The following MAP3K19 variants were observed in gnomAD, a reference collection of about 807,000 sequenced individuals.
MAP3K19 encodes the protein mitogen-activated protein kinase kinase kinase 19, also known as SPS1/STE20-related protein kinase YSK4.
In MAP3K19, 91 loss-of-function variants were observed where a neutral mutation model predicts 114.4. The observed-to-expected ratio is 0.80, with a 90% CI of 0.67 to 0.95. The LOEUF is 0.95. MAP3K19 is among the 40% of genes least tolerant of loss of function. The pLI, the probability that MAP3K19 is intolerant of heterozygous loss-of-function variation, is 0.00. For synonymous variants in MAP3K19, 518 were observed against 530.5 expected (o/e 0.98, Z 0.32); for missense variants, 1,471 against 1,573.2 (o/e 0.94, Z 1.10).
chr2:134,987,969 G>T lies in MAP3K19; in HGVS notation c.903C>A (p.Cys301Ter). ...SFPKTNHHRQ[C>*]LEKEENWKSK... ...ATTTCCAGTTTTCCTCCTTCTCCAGGCATTGCCTGTGATGGTTAGTCTTAG... is the reference window on the plus strand; with the variant it reads ...ATTTCCAGTTTTCCTCCTTCTCCAGTCATTGCCTGTGATGGTTAGTCTTAG... Residue 301 changes from cysteine (C) to a stop codon, truncating the protein, a stop_gained, in exon 10 of 13, where the codon TGC (cysteine) becomes TGA (stop). Coordinates refer to ENST00000392915, the MANE Select transcript of MAP3K19 (RefSeq NM_025052.5). LOFTEE classifies it high-confidence loss of function. 1 of 1,614,076 alleles carries T rather than the reference G, an allele frequency of 6.2e-7. No individual in the cohort carries two copies. Among genetic ancestry groups the T allele is most frequent in the Non-Finnish European group, 8.5e-7 (1 of 1,180,018 alleles).
intron 8 of MAP3K19, among the ~76,000 whole-genome samples, chr2:134,997,816 T>TAAAAAAAAAAAAAAAAA (rs1686114160): frequency 1.3e-5 from 1 of 79,546 alleles, no homozygotes; most frequent in African/African-American, 5.4e-5. Flanking sequence ...AGACTCCGTC[T>TAAAAAAAAAAAAAAAAA]CAAAAAAAAA....
In MAP3K19 at chr2:134,964,658, T is replaced by A; in HGVS notation, c.*192A>T. 2.4e-6 allele frequency: 1 copy of A among 423,378 alleles called. No individual in the cohort carries two copies. The highest frequency in any genetic ancestry group is 6.8e-5 in the South Asian group (1 of 14,802). The allele number at this position is 423,378 out of a possible 1,614,324, so 26.2% of individuals were successfully genotyped here. On this transcript the variant is annotated 3_prime_UTR_variant, in exon 13 of 13. Transcript: ENST00000392915. Reference sequence around the variant, plus strand: ...ATTAAGAACATGTTTTCTGATACTATGAGTAATAATGTCTGACACTTGAGG... The same window carrying A: ...ATTAAGAACATGTTTTCTGATACTAAGAGTAATAATGTCTGACACTTGAGG...
Position 134,981,037 on chromosome 2 carries a change from G to A in MAP3K19, c.3704C>T (p.Ala1235Val). 6.2e-7 allele frequency: 1 copy of A among 1,614,234 alleles called. No homozygotes were observed. The highest frequency in any genetic ancestry group is 1.1e-5 in the South Asian group (1 of 91,084). The change falls in exon 12 of 13, where the codon GCC becomes GTC. Residue 1235 changes from alanine to valine, a missense_variant. Transcript: ENST00000392915. Reference protein sequence around the residue: ...KSMHGTPYWMAPEVINESGYG... With the variant: ...KSMHGTPYWMVPEVINESGYG... ...GCCAGACTCATTGATGACTTCTGGG[G>A]CCATCCAATATGGAGTCCCATGCAT...
intron 12 of MAP3K19, among the ~76,000 whole-genome samples, chr2:134,969,035 GC>G (rs1242597590): frequency 6.6e-6 from 1 of 152,194 alleles, no homozygotes; most frequent in East Asian, 1.9e-4. Context: ...CCGGGATCAC[GC>G]CGCTGCACTC....
intron 3 of MAP3K19, among the ~76,000 whole-genome samples, chr2:135,029,073 C>T (rs896269038): frequency 6.6e-6 from 1 of 152,086 alleles, no homozygotes; most frequent in African/African-American, 2.4e-5. Flanking sequence ...AAAAATGTGG[C>T]TATAAAAACA....
rs182877589 is a variant in MAP3K19, at chr2:134,969,068, C to A, written c.3921-4152G>T. On this transcript the variant is annotated intron_variant, in intron 12 of 12. Coordinates refer to ENST00000392915, the MANE Select transcript of MAP3K19 (RefSeq NM_025052.5). ...ACTCCAGCCTGGGCACCATTGAGCA[C>A]TGAGTGAACGAGACTCCGTCTGCAA... is the stretch of plus-strand genomic sequence containing the variant. 4.6e-3 allele frequency among the ~76,000 whole-genome samples: 694 copies of A among 152,336 alleles called. 3 individuals carry two copies. The highest frequency in any genetic ancestry group is 0.016 in the African/African-American group (663 of 41,570).
intron 1 of MAP3K19, among the ~76,000 whole-genome samples, chr2:135,042,271 G>C (rs1056655497): frequency 2.0e-5 from 3 of 152,118 alleles, no homozygotes; most frequent in Admixed American, 1.3e-4. Flanking sequence ...GGGAGGCCGA[G>C]GCGGGCGGAT....
chr2:135,025,637 C>T (rs990877112), intron 3 of MAP3K19, among the ~76,000 whole-genome samples: 6 of 151,934 alleles, frequency 3.9e-5, no homozygotes, highest in African/African-American at 7.3e-5. Flanking sequence ...CTGCCTGCCT[C>T]GGCCTCCCAA....
chr2:135,009,413 A>C (rs1197136815), intron 5 of MAP3K19, among the ~76,000 whole-genome samples: 1 of 152,160 alleles, frequency 6.6e-6, no homozygotes, highest in Non-Finnish European at 1.5e-5. Flanking sequence ...TATTATATAT[A>C]GTTTTTGTGT....
chr2:134,976,039 C>T (rs752204909), intron 12 of MAP3K19, among the ~76,000 whole-genome samples: 1 of 152,186 alleles, frequency 6.6e-6, no homozygotes, highest in Non-Finnish European at 1.5e-5. Flanking sequence ...GGGTGCAGGA[C>T]ACCATGTGTG....
rs3905317 is a variant in MAP3K19 at position 134,986,437 on chromosome 2, T to C, written c.2435A>G (p.Glu812Gly). 31,337 of 1,614,008 alleles carry C rather than the reference T, an allele frequency of 0.019. 3,285 individuals carry two copies. In the East Asian group the frequency reaches 0.36, roughly 19 times the overall value. Residue 812 changes from glutamate (E) to glycine (G), a missense_variant, in exon 10 of 13, where the codon GAA (glutamate) becomes GGA (glycine). Coordinates refer to ENST00000392915, the MANE Select transcript of MAP3K19 (RefSeq NM_025052.5). Reference sequence around the variant, plus strand: ...ACCAGTAGACTCTTCCATAGAAACTTCTTCAACAATGGATAAATCTGAGAC... The same window carrying C: ...ACCAGTAGACTCTTCCATAGAAACTCCTTCAACAATGGATAAATCTGAGAC... ...PPVSDLSIVE[E>G]VSMEESTGDR...
At position 134,964,970 on chromosome 2, in the gene MAP3K19, A is replaced by G. The variant is rs1434373765; in HGVS notation, c.3921-54T>C. ...GCAGCACTCAGTAATGAGACTGCCA[A>G]TGTAGATCTACTTAAATGTGAACTT... On this transcript the variant is annotated intron_variant, in intron 12 of 12. Transcript: ENST00000392915. The G allele has an allele frequency of 1.4e-5, 18 of 1,272,842 alleles. No individual in the cohort carries two copies. In the East Asian group the frequency reaches 3.3e-4, roughly 23 times the overall value. 78.8% of individuals were successfully genotyped at this position (1,272,842 alleles called of 1,614,324 possible). A position where few individuals can be genotyped will look rare whatever the true frequency, so the allele number is the denominator to read the frequency against.
chr2:135,026,899 A>C (rs1446839849), intron 3 of MAP3K19, among the ~76,000 whole-genome samples: 1 of 152,198 alleles, frequency 6.6e-6, no homozygotes, highest in African/African-American at 2.4e-5. Flanking sequence ...ATAGGTAGCA[A>C]ATTTTAGAAA....
In MAP3K19 at chr2:134,998,998, C is replaced by A. The variant is rs867471264; in HGVS notation, c.315-1G>T. ...TTCTTGAAGCGATGAGTTTATCAGA[C>A]TAAAGGGGGAGGGAAATGTTTGATT... On this transcript the variant is annotated splice_acceptor_variant, in intron 7 of 12. Coordinates refer to ENST00000392915, the MANE Select transcript of MAP3K19 (RefSeq NM_025052.5). LOFTEE classifies it high-confidence loss of function. The A allele has an allele frequency of 6.2e-7, 1 of 1,607,066 alleles. No homozygotes were observed.
chr2:135,045,950 G>A (rs1421463517), intron 1 of MAP3K19, among the ~76,000 whole-genome samples: 1 of 151,994 alleles, frequency 6.6e-6, no homozygotes, highest in Non-Finnish European at 1.5e-5. Context: ...TTAGAGATGG[G>A]GTCTCACTCT....
At chr2:134,989,544 C>T (rs1316476858) in intron 9 of MAP3K19, among the ~76,000 whole-genome samples, 5 of 152,146 alleles carry the variant, frequency 3.3e-5, no homozygotes, top group Admixed American at 3.3e-4. Flanking sequence ...AGTGCTTAAC[C>T]ATCTGCCTAG....
At chr2:135,033,565 G>C (rs1228904917) in intron 2 of MAP3K19, among the ~76,000 whole-genome samples, 2 of 42,400 alleles carry the variant, frequency 4.7e-5, no homozygotes, top group Non-Finnish European at 8.2e-5. Context: ...GGCGGCTGGC[G>C]GGCGGGGGGC....
chr2:135,045,265 CATT>C (rs1453112422), intron 1 of MAP3K19, among the ~76,000 whole-genome samples: 1 of 152,196 alleles, frequency 6.6e-6, no homozygotes, highest in Non-Finnish European at 1.5e-5. Flanking sequence ...ACTTAATCAT[CATT>C]ATCTTAATCA....
intron 12 of MAP3K19, among the ~76,000 whole-genome samples, chr2:134,979,279 C>T (rs1277744233): frequency 6.6e-6 from 1 of 151,924 alleles, no homozygotes; most frequent in East Asian, 1.9e-4. Context: ...AATTTTGTGC[C>T]CCACACTCTG....
Sources: allele counts gnomAD v4.1 joint callset (sites outside exome capture counted in the v4.1 genomes callset), GRCh38; gene constraint gnomAD v4.1.1; transcripts MANE v1.5; gene names NCBI Gene and HGNC (gene_info 2026-07-23, HGNC 2026-07-21).